Variants in CADM2 observed in about 807,000 individuals in gnomAD.
CADM2 encodes immunoglobulin superfamily member 4D.
A neutral mutation model predicts 49.8 loss-of-function variants in CADM2; 12 were observed. The observed-to-expected ratio is 0.24, with a 90% CI of 0.15 to 0.39. The LOEUF (loss-of-function observed/expected upper bound fraction) is 0.39, where lower values mean the gene tolerates loss of function less well. CADM2 is among the 10% of genes least tolerant of loss of function. The pLI, the probability that CADM2 is intolerant of heterozygous loss-of-function variation, is 1.00. For missense variants in CADM2, 378 were observed against 492.3 expected, an observed-to-expected ratio of 0.77 and a Z score of 2.20; for synonymous variants, 214 against 175.4, an observed-to-expected ratio of 1.22 and a Z score of -1.74.
chr3:85,264,692 C>T (rs1320898983), intron 1 of CADM2, among the ~76,000 whole-genome samples: 2 of 151,896 alleles, frequency 1.3e-5, no homozygotes, highest in East Asian at 3.9e-4. Flanking sequence ...GCATTTCCAC[C>T]AAACAGATAT....
At chr3:85,518,114 C>G (rs2060946663) in intron 1 of CADM2, among the ~76,000 whole-genome samples, 1 of 152,162 alleles carries the variant, frequency 6.6e-6, no homozygotes, top group African/African-American at 2.4e-5. Context: ...TCAAGCAATT[C>G]TCCTGCCTGG....
chr3:85,213,349 T>A (rs187564776), intron 1 of CADM2, among the ~76,000 whole-genome samples: 1 of 147,208 alleles, frequency 6.8e-6, no homozygotes, highest in South Asian at 2.2e-4. Flanking sequence ...TATTCTAGTA[T>A]AATTTTTTTT....
chr3:85,634,590 A>G (rs912742390), intron 1 of CADM2, among the ~76,000 whole-genome samples: 16 of 152,056 alleles, frequency 1.1e-4, no homozygotes, highest in African/African-American at 3.6e-4. Context: ...GCAGTTACAC[A>G]TGCTTGCCAT....
intron 1 of CADM2, among the ~76,000 whole-genome samples, chr3:85,071,838 A>T (rs1301308919): frequency 2.0e-5 from 3 of 151,998 alleles, no homozygotes; most frequent in Non-Finnish European, 4.4e-5. Flanking sequence ...ATGATATATG[A>T]TTGTTTGTAT....
intron 1 of CADM2, among the ~76,000 whole-genome samples, chr3:85,511,282 T>A (rs1281137606): frequency 1.3e-5 from 2 of 152,108 alleles, no homozygotes; most frequent in African/African-American, 4.8e-5. Flanking sequence ...CTTTACCTTC[T>A]AATTTACTAG....
At chr3:85,611,236 G>C (rs1476341191) in intron 1 of CADM2, among the ~76,000 whole-genome samples, 4 of 131,634 alleles carry the variant, frequency 3.0e-5, no homozygotes, top group African/African-American at 1.0e-4. Flanking sequence ...CATTAGTCAT[G>C]TATACTGCAA....
intron 2 of CADM2, among the ~76,000 whole-genome samples, chr3:85,777,611 T>C (rs1023283017): frequency 2.0e-5 from 3 of 152,168 alleles, no homozygotes; most frequent in Non-Finnish European, 4.4e-5. Context: ...TGTTTTCCTA[T>C]ATTCCTCTAC....
At chr3:85,215,157 G>C (rs994816637) in intron 1 of CADM2, among the ~76,000 whole-genome samples, 1 of 151,780 alleles carries the variant, frequency 6.6e-6, no homozygotes, top group Non-Finnish European at 1.5e-5. Context: ...AGGCTCAGTG[G>C]CTCTTTAATA....
At chr3:85,138,359 T>C (rs2039480139) in intron 1 of CADM2, among the ~76,000 whole-genome samples, 1 of 152,158 alleles carries the variant, frequency 6.6e-6, no homozygotes, top group South Asian at 2.1e-4. Flanking sequence ...TACAAGAGAC[T>C]CAGTGAGTCT....
chr3:85,156,608 C>T (rs921217397), intron 1 of CADM2, among the ~76,000 whole-genome samples: 3 of 152,174 alleles, frequency 2.0e-5, no homozygotes, highest in African/African-American at 4.8e-5. Context: ...AGAGGGAAAC[C>T]TCCCTAACTC....
chr3:85,672,944 C>A (rs998907562), intron 1 of CADM2, among the ~76,000 whole-genome samples: 16 of 152,084 alleles, frequency 1.1e-4, no homozygotes, highest in Non-Finnish European at 2.4e-4. Flanking sequence ...TGATATAATA[C>A]CCATGTTTCT....
intron 1 of CADM2, among the ~76,000 whole-genome samples, chr3:85,466,152 A>G (rs2038481367): frequency 6.6e-6 from 1 of 152,184 alleles, no homozygotes; most frequent in African/African-American, 2.4e-5. Flanking sequence ...TCATTGTGAC[A>G]GTAGCAGAAG....
chr3:85,065,054 A>G (rs546650425), intron 1 of CADM2, among the ~76,000 whole-genome samples: 28 of 152,244 alleles, frequency 1.8e-4, no homozygotes, highest in African/African-American at 6.7e-4. Flanking sequence ...AAATAATATC[A>G]CACAACAGGG....
chr3:85,945,726 C>T (rs1190629602), intron 7 of CADM2, among the ~76,000 whole-genome samples: 1 of 152,098 alleles, frequency 6.6e-6, no homozygotes, highest in Non-Finnish European at 1.5e-5. Context: ...TAAAATTCAA[C>T]AGCCCTTCAT....
chr3:85,915,841 TG>T (rs1260776798), intron 6 of CADM2, among the ~76,000 whole-genome samples: 1 of 152,164 alleles, frequency 6.6e-6, no homozygotes, highest in African/African-American at 2.4e-5. Context: ...GAGATGATAT[TG>T]TTTTCAGTGG....
chr3:85,900,481 T>C (rs2108447635), intron 5 of CADM2, among the ~76,000 whole-genome samples: 1 of 152,302 alleles, frequency 6.6e-6, no homozygotes, highest in Non-Finnish European at 1.5e-5. Context: ...TATACATTGT[T>C]GGAATGGAAA....
intron 3 of CADM2, among the ~76,000 whole-genome samples, chr3:85,871,919 A>T (rs540475166): frequency 6.6e-6 from 1 of 152,288 alleles, no homozygotes; most frequent in African/African-American, 2.4e-5. Flanking sequence ...GGCTATTCAA[A>T]ATATGTTGTG....
Position 85,961,465 on chromosome 3 carries a change from A to G in CADM2, c.792-4A>G, listed in dbSNP as rs374308520. ...CTATCTACATGCATGTTTCAATCCA[A>G]TAGGCCAGAACCTGTTTTGTGGACA... is the stretch of plus-strand genomic sequence containing the variant. On this transcript the variant is annotated splice_polypyrimidine_tract_variant and splice_region_variant and intron_variant, in intron 7 of 9. Transcript: ENST00000383699. 4 of 1,574,030 alleles carry G rather than the reference A, an allele frequency of 2.5e-6. No individual in the cohort carries two copies. Among genetic ancestry groups the G allele is most frequent in the South Asian group, 1.2e-5 (1 of 86,148 alleles).
At position 86,010,133 on chromosome 3, in the gene CADM2, A is replaced by G. The variant is rs183167938; in HGVS notation, c.970+48486A>G. Among the ~76,000 whole-genome samples the G allele has an allele frequency of 2.8e-3, 426 of 152,104 alleles. 1 individual carries two copies. Among genetic ancestry groups the G allele is most frequent in the Non-Finnish European group, 5.0e-3 (336 of 67,848 alleles). On this transcript the variant is annotated intron_variant, in intron 8 of 9. Coordinates refer to ENST00000383699, the MANE Select transcript of CADM2 (RefSeq NM_001167675.2). ...ATTGATGACAGTATGAATTACAAAGATAGTTATTTGAAACCACATATGTAA... is the reference window on the plus strand; with the variant it reads ...ATTGATGACAGTATGAATTACAAAGGTAGTTATTTGAAACCACATATGTAA...
Sources: gnomAD v4.1 joint callset for allele counts (sites outside exome capture counted in the v4.1 genomes callset) on GRCh38, gnomAD v4.1.1 for gene constraint, MANE v1.5 for transcripts, NCBI Gene and HGNC (gene_info 2026-07-23, HGNC 2026-07-21) for gene names.